The following TTC39C variants were observed in gnomAD, a reference collection of about 807,000 sequenced individuals.
TTC39C encodes the protein tetratricopeptide repeat domain 39C, also known as tetratricopeptide repeat protein 39C.
TTC39C carries 33 observed loss-of-function variants against 76.3 expected under a neutral mutation model. That is an observed-to-expected ratio of 0.43 (90% confidence interval 0.33 to 0.58). The LOEUF is 0.58. Ranked by LOEUF, TTC39C falls within the 20% of genes least tolerant of loss-of-function variation. The pLI is 0.04. For missense variants in TTC39C, 595 were observed against 701.4 expected, an observed-to-expected ratio of 0.85 and a Z score of 1.71; for synonymous variants, 254 against 260.6, an observed-to-expected ratio of 0.97 and a Z score of 0.24.
Position 24,107,896 on chromosome 18 carries a change from G to GGA in TTC39C, c.985-6657_985-6656insAG, listed in dbSNP as rs1555776829. 1.6e-5 allele frequency among the ~76,000 whole-genome samples: 2 copies of GGA among 124,206 alleles called. 1 individual carries two copies. The highest frequency in any genetic ancestry group is 3.1e-5 in the Non-Finnish European group (2 of 64,942). The allele number at this position is 124,206 out of a possible 152,430, so 81.5% of individuals were successfully genotyped here. A position where few individuals can be genotyped will look rare whatever the true frequency, so the allele number is the denominator to read the frequency against. ...ACCACAGCCTCCCAAGTAGGGGGGG[G>GGA]GGTACAGGCATGTGCCACCAAGCCC... On this transcript the variant is annotated intron_variant, in intron 6 of 13. Coordinates refer to ENST00000317571, the MANE Select transcript of TTC39C (RefSeq NM_001135993.2).
chr18:24,018,006 A>G (rs1194657398), intron 1 of TTC39C, among the ~76,000 whole-genome samples: 1 of 152,160 alleles, frequency 6.6e-6, no homozygotes. Context: ...CCTGAAGGCC[A>G]CTCTTGAATT....
At chr18:24,126,101 C>T (rs1402924199) in intron 10 of TTC39C, among the ~76,000 whole-genome samples, 2 of 152,090 alleles carry the variant, frequency 1.3e-5, no homozygotes, top group Non-Finnish European at 2.9e-5. Context: ...GTGGGAAGAT[C>T]ACTTGAGCCC....
chr18:24,085,930 T>C (rs1323016898), intron 6 of TTC39C, among the ~76,000 whole-genome samples: 1 of 152,198 alleles, frequency 6.6e-6, no homozygotes, highest in African/African-American at 2.4e-5. Context: ...CAGCAGCGTT[T>C]CATTGCTCTT....
chr18:24,111,073 C>T (rs1426742729), intron 6 of TTC39C, among the ~76,000 whole-genome samples: 1 of 152,012 alleles, frequency 6.6e-6, no homozygotes, highest in Non-Finnish European at 1.5e-5. Flanking sequence ...TCACTGCAAC[C>T]TCCACCTCTC....
intron 6 of TTC39C, among the ~76,000 whole-genome samples, chr18:24,113,083 C>T (rs1376363378): frequency 6.6e-6 from 1 of 152,146 alleles, no homozygotes; most frequent in Non-Finnish European, 1.5e-5. Context: ...CGTTAAGTTA[C>T]TGAGAACAGG....
At chr18:24,096,302 T>C (rs1455551833) in intron 6 of TTC39C, among the ~76,000 whole-genome samples, 2 of 152,240 alleles carry the variant, frequency 1.3e-5, no homozygotes, top group Non-Finnish European at 1.5e-5. Flanking sequence ...GTATTTCTTA[T>C]ATATTTGTCC....
At position 24,134,264 on chromosome 18, in the gene TTC39C, GTTTTTTTTTTTTTT is replaced by G. The variant is rs907184028; in HGVS notation, c.*1704_*1717del. 1.2e-4 allele frequency: 10 copies of G among 83,794 alleles called. No homozygotes were observed. Among genetic ancestry groups the G allele is most frequent in the African/African-American group, 3.5e-4 (8 of 23,154 alleles). 5.2% of individuals were successfully genotyped at this position (83,794 alleles called of 1,614,324 possible). A position where few individuals can be genotyped will look rare whatever the true frequency, so the allele number is the denominator to read the frequency against. On this transcript the variant is annotated 3_prime_UTR_variant, in exon 14 of 14. Transcript: ENST00000317571. ...CAAAAATATTGGACATCTGTTTTTT[GTTTTTTTTTTTTTT>G]TTTTTTTTTTTTTGAGACGGAGTCT...
At chr18:24,115,407 C>T (rs1205387567) in intron 7 of TTC39C, among the ~76,000 whole-genome samples, 1 of 151,322 alleles carries the variant, frequency 6.6e-6, no homozygotes, top group Non-Finnish European at 1.5e-5. Context: ...GAACTTGAAA[C>T]AAAAAAAAAT....
intron 1 of TTC39C, among the ~76,000 whole-genome samples, chr18:24,053,512 A>G (rs2083978612): frequency 6.6e-6 from 1 of 152,208 alleles, no homozygotes; most frequent in Admixed American, 6.5e-5. Flanking sequence ...ACATCTTTGA[A>G]TTAAGGTTGA....
intron 1 of TTC39C, among the ~76,000 whole-genome samples, chr18:24,055,826 C>CATTTAGCAACAATGGTCTATAAATGCA (rs2084008582): frequency 1.3e-5 from 2 of 152,244 alleles, no homozygotes; most frequent in African/African-American, 4.8e-5. Flanking sequence ...TGTCATAAAG[C>CATTTAGCAACAATGGTCTATAAATGCA]TTTTTTCCAA....
intron 6 of TTC39C, chr18:24,113,614 G>A (rs549703978): frequency 2.6e-5 from 18 of 702,362 alleles, no homozygotes; most frequent in East Asian, 8.0e-5. Flanking sequence ...TGCATGCACC[G>A]TTCAGAATAA....
chr18:24,069,910 C>CTCT (rs1446113340), intron 4 of TTC39C, among the ~76,000 whole-genome samples: 6 of 152,112 alleles, frequency 3.9e-5, no homozygotes, highest in Non-Finnish European at 8.8e-5. Flanking sequence ...TTATGGGTGT[C>CTCT]TCTGATATTG....
At chr18:24,002,961 T>A (rs1318254916) in intron 1 of TTC39C, among the ~76,000 whole-genome samples, 1 of 152,204 alleles carries the variant, frequency 6.6e-6, no homozygotes, top group East Asian at 1.9e-4. Flanking sequence ...TTCATATTAA[T>A]TTAAATCCAT....
intron 2 of TTC39C, 80 bp downstream of exon 2, chr18:24,064,268 T>C (rs1265186334): frequency 6.7e-7 from 1 of 1,501,404 alleles, no homozygotes; most frequent in African/African-American, 1.4e-5. Context: ...ACCAGTTGTA[T>C]AGATACACTA....
chr18:24,004,244 A>G (rs779601229), intron 1 of TTC39C, among the ~76,000 whole-genome samples: 1 of 152,196 alleles, frequency 6.6e-6, no homozygotes, highest in African/African-American at 2.4e-5. Flanking sequence ...GAAGGAAGAA[A>G]TGAGTCCCTG....
At chr18:24,090,795 TA>T (rs1338377118) in intron 6 of TTC39C, among the ~76,000 whole-genome samples, 22 of 147,864 alleles carry the variant, frequency 1.5e-4, no homozygotes, top group Non-Finnish European at 2.5e-4. Context: ...ATGATTAATT[TA>T]CTTTTTTTTT....
chr18:24,115,800 T>C (rs1420490612), intron 7 of TTC39C, among the ~76,000 whole-genome samples: 2 of 152,254 alleles, frequency 1.3e-5, no homozygotes, highest in Non-Finnish European at 2.9e-5. Context: ...GAGGAAATGA[T>C]GTATAATCCA....
chr18:24,007,662 G>A (rs1030117544), intron 1 of TTC39C, among the ~76,000 whole-genome samples: 1 of 152,210 alleles, frequency 6.6e-6, no homozygotes, highest in Non-Finnish European at 1.5e-5. Context: ...GGGATTACAG[G>A]CATGAGCCAC....
chr18:24,062,553 G>A (rs754443635), intron 1 of TTC39C, among the ~76,000 whole-genome samples: 2 of 152,178 alleles, frequency 1.3e-5, no homozygotes, highest in Non-Finnish European at 1.5e-5. Flanking sequence ...GGAGTGTGCC[G>A]TTTGATCTAG....
Sources: gnomAD v4.1 joint callset for allele counts (sites outside exome capture counted in the v4.1 genomes callset) on GRCh38, gnomAD v4.1.1 for gene constraint, MANE v1.5 for transcripts, NCBI Gene and HGNC (gene_info 2026-07-23, HGNC 2026-07-21) for gene names.